TUNAR: variants seen among roughly 807,000 people sequenced by gnomAD.
TUNAR encodes the protein protein TUNAR.
chr14:95,883,845 G>A (rs1889022612), intron 2 of TUNAR, among the ~76,000 whole-genome samples: 2 of 152,202 alleles, frequency 1.3e-5, no homozygotes, highest in South Asian at 4.1e-4. Flanking sequence ...TTATTAAAAT[G>A]CATATGGGTG....
intron 2 of TUNAR, among the ~76,000 whole-genome samples, chr14:95,918,124 A>C (rs1477329206): frequency 6.6e-6 from 1 of 152,080 alleles, no homozygotes; most frequent in Non-Finnish European, 1.5e-5. Context: ...TTTAAGTTTT[A>C]ATTTTTGTGG....
intron 2 of TUNAR, among the ~76,000 whole-genome samples, chr14:95,890,450 G>A (rs866801767): frequency 1.3e-5 from 2 of 152,336 alleles, no homozygotes; most frequent in East Asian, 1.9e-4. Flanking sequence ...CAGGAGAGAA[G>A]TAGAGTGGCC....
At chr14:95,912,021 A>G (rs1239992826) in intron 2 of TUNAR, among the ~76,000 whole-genome samples, 1 of 152,128 alleles carries the variant, frequency 6.6e-6, no homozygotes, top group Admixed American at 6.5e-5. Flanking sequence ...TGACATGAAG[A>G]TTTCTCCTTG....
chr14:95,878,782 T>TG (rs1888929003), intron 2 of TUNAR, among the ~76,000 whole-genome samples: 1 of 152,136 alleles, frequency 6.6e-6, no homozygotes, highest in Non-Finnish European at 1.5e-5. Context: ...GCTACCAGAT[T>TG]GGGGTTGTGG....
chr14:95,907,251 C>T (rs1217478299), intron 2 of TUNAR, among the ~76,000 whole-genome samples: 1 of 152,160 alleles, frequency 6.6e-6, no homozygotes, highest in African/African-American at 2.4e-5. Flanking sequence ...AATGAGGCTG[C>T]AGTGGATGAA....
At chr14:95,884,122 C>T (rs1482914783) in intron 2 of TUNAR, among the ~76,000 whole-genome samples, 3 of 152,194 alleles carry the variant, frequency 2.0e-5, no homozygotes, top group Non-Finnish European at 4.4e-5. Context: ...ACGCTTCCCG[C>T]TCCTCCTCCT....
At chr14:95,911,816 A>G (rs1320083119) in intron 2 of TUNAR, among the ~76,000 whole-genome samples, 1 of 152,230 alleles carries the variant, frequency 6.6e-6, no homozygotes, top group East Asian at 1.9e-4. Context: ...GCAAAGATTT[A>G]GTTCTGAGAC....
intron 2 of TUNAR, among the ~76,000 whole-genome samples, chr14:95,891,113 A>C (rs998459894): frequency 6.6e-6 from 1 of 152,256 alleles, no homozygotes; most frequent in Non-Finnish European, 1.5e-5. Context: ...AACATTCGCA[A>C]ATTAGAAATC....
exon 3 of TUNAR, chr14:95,923,162 A>G (rs1455000662): frequency 7.8e-6 from 3 of 385,840 alleles, no homozygotes; most frequent in Non-Finnish European, 1.4e-5. Flanking sequence ...CTAAAGCACA[A>G]TGATTCCAAC....
At chr14:95,890,109 T>G (rs1432298144) in intron 2 of TUNAR, among the ~76,000 whole-genome samples, 5 of 152,166 alleles carry the variant, frequency 3.3e-5, no homozygotes, top group African/African-American at 4.8e-5. Flanking sequence ...ATTCCTAGGC[T>G]CAAGCACTTC....
At chr14:95,920,341 G>C (rs2139673558) in intron 2 of TUNAR, among the ~76,000 whole-genome samples, 1 of 152,188 alleles carries the variant, frequency 6.6e-6, no homozygotes, top group East Asian at 1.9e-4. Context: ...AAACAGATAT[G>C]AAAATGTATC....
chr14:95,919,786 G>C (rs1249676919), intron 2 of TUNAR, among the ~76,000 whole-genome samples: 2 of 152,112 alleles, frequency 1.3e-5, no homozygotes, highest in Non-Finnish European at 2.9e-5. Flanking sequence ...AGATGAATAA[G>C]GAATGGGCAG....
chr14:95,901,062 CTT>C (rs1295719034), intron 2 of TUNAR, among the ~76,000 whole-genome samples: 6 of 152,170 alleles, frequency 3.9e-5, no homozygotes, highest in Non-Finnish European at 5.9e-5. Flanking sequence ...AGGTTTCTCT[CTT>C]TTCTTTTCTA....
At chr14:95,915,088 C>G (rs1348762880) in intron 2 of TUNAR, among the ~76,000 whole-genome samples, 1 of 152,116 alleles carries the variant, frequency 6.6e-6, no homozygotes, top group Non-Finnish European at 1.5e-5. Context: ...GTGGTAAATT[C>G]CAGAATGATA....
intron 2 of TUNAR, among the ~76,000 whole-genome samples, chr14:95,921,795 G>A (rs765051739): frequency 2.0e-4 from 30 of 152,170 alleles, no homozygotes; most frequent in Non-Finnish European, 3.8e-4. Context: ...TAGATGACTT[G>A]GTTTTGCCTG....
chr14:95,886,493 T>G (rs955275372), intron 2 of TUNAR, among the ~76,000 whole-genome samples: 4 of 152,224 alleles, frequency 2.6e-5, no homozygotes, highest in Non-Finnish European at 5.9e-5. Flanking sequence ...AATTCTTAGC[T>G]GTTTTCTGTG....
At position 95,889,652 on chromosome 14, in the gene TUNAR, C is replaced by T. The variant is rs915935544; in HGVS notation, c.12+12475C>T. Among the ~76,000 whole-genome samples, 12 of 152,278 alleles carry T rather than the reference C, an allele frequency of 7.9e-5. No homozygotes were observed. In the East Asian group the frequency reaches 2.3e-3, roughly 29 times the overall value. On this transcript the variant is annotated intron_variant, in intron 2 of 2. Transcript: ENST00000678517. ...TCCTGGTCCTTCACCAAGGGTAGAC[C>T]TCCCTCGTGAGGAGGAACTTAAGCA...
Position 95,895,620 on chromosome 14 carries a change from T to C in TUNAR, c.12+18443T>C, listed in dbSNP as rs555406626. Among the ~76,000 whole-genome samples the C allele has an allele frequency of 3.3e-5, 5 of 152,258 alleles. No homozygotes were observed. The East Asian group carries it at 9.6e-4, about 29-fold the overall frequency. ...TACAAAGTGGGAATTTTACCAATGA[T>C]TTAAAGCCCTTCCAAGGGCTTCCAG... On this transcript the variant is annotated intron_variant, in intron 2 of 2. Transcript: ENST00000678517. The surrounding 1 kb of genome is among the most constrained non-coding windows in gnomAD (Gnocchi z 4.5).
At chr14:95,917,269 G>A (rs935038980) in intron 2 of TUNAR, among the ~76,000 whole-genome samples, 2 of 152,058 alleles carry the variant, frequency 1.3e-5, no homozygotes, top group Non-Finnish European at 2.9e-5. Flanking sequence ...TTTTCATACA[G>A]ATACTCAGGT....
Sources: gnomAD v4.1 joint callset for allele counts (sites outside exome capture counted in the v4.1 genomes callset) on GRCh38, gnomAD v4.1.1 for gene constraint, Gnocchi (gnomAD v3.1) non-coding constraint, MANE v1.5 for transcripts, NCBI Gene and HGNC (gene_info 2026-07-23, HGNC 2026-07-21) for gene names.